The following TPD52 variants were observed in gnomAD, a reference collection of about 807,000 sequenced individuals.
TPD52 encodes the protein tumor protein D52.
TPD52 carries 17 observed loss-of-function variants against 31.3 expected under a neutral mutation model. The observed-to-expected ratio is 0.54, with a 90% confidence interval of 0.37 to 0.82. TPD52 has a LOEUF of 0.82. Ranked by LOEUF, TPD52 falls within the 40% of genes least tolerant of loss-of-function variation. TPD52 has a pLI of 0.00. For missense variants in TPD52, 212 were observed against 240.1 expected (o/e 0.88, Z 0.77); for synonymous variants, 83 against 89.6 (o/e 0.93, Z 0.42).
At chr8:80,142,867 G>A (rs563556998) in intron 1 of TPD52, among the ~76,000 whole-genome samples, 59 of 152,282 alleles carry the variant, frequency 3.9e-4, no homozygotes, top group African/African-American at 1.3e-3. Flanking sequence ...AATCCAGCAA[G>A]AGCTAGGACC....
chr8:80,094,565 T>C (rs1319468717), intron 1 of TPD52, among the ~76,000 whole-genome samples: 2 of 147,314 alleles, frequency 1.4e-5, no homozygotes, highest in Admixed American at 1.4e-4. Flanking sequence ...GATGGAAACA[T>C]ATTGCCAAAT....
intron 1 of TPD52, among the ~76,000 whole-genome samples, chr8:80,091,429 A>C (rs1033010130): frequency 1.3e-5 from 2 of 150,918 alleles, no homozygotes; most frequent in Non-Finnish European, 2.9e-5. Flanking sequence ...AGATCGCGCC[A>C]CTGCGCTCCA....
intron 1 of TPD52, among the ~76,000 whole-genome samples, chr8:80,074,317 A>C (rs1188673330): frequency 6.6e-6 from 1 of 152,254 alleles, no homozygotes; most frequent in African/African-American, 2.4e-5. Flanking sequence ...TAACATCCAG[A>C]AAGATCACAG....
At chr8:80,154,504 T>A (rs1261217275) in intron 1 of TPD52, among the ~76,000 whole-genome samples, 2 of 152,178 alleles carry the variant, frequency 1.3e-5, no homozygotes, top group African/African-American at 4.8e-5. Flanking sequence ...TAACAAAAAA[T>A]CAAATGTCCT....
chr8:80,058,372 G>GCTTGCGGAA (rs1812124327), intron 2 of TPD52, among the ~76,000 whole-genome samples: 1 of 152,208 alleles, frequency 6.6e-6, no homozygotes, highest in Admixed American at 6.5e-5. Flanking sequence ...TTAAAAATGA[G>GCTTGCGGAA]CTTGCGGAAA....
At chr8:80,070,624 G>C (rs1049458823) in intron 1 of TPD52, among the ~76,000 whole-genome samples, 1 of 152,110 alleles carries the variant, frequency 6.6e-6, no homozygotes, top group Non-Finnish European at 1.5e-5. Flanking sequence ...ATGCTCACTC[G>C]CCTGCCACTC....
chr8:80,142,370 G>A (rs1809893665), intron 1 of TPD52, among the ~76,000 whole-genome samples: 1 of 152,212 alleles, frequency 6.6e-6, no homozygotes, highest in Admixed American at 6.5e-5. Flanking sequence ...CTGGTCCACA[G>A]TAATAAAGGC....
chr8:80,154,122 G>C (rs569152087), intron 1 of TPD52, among the ~76,000 whole-genome samples: 1 of 152,336 alleles, frequency 6.6e-6, no homozygotes, highest in Admixed American at 6.5e-5. Context: ...TGAAGTAGGA[G>C]TGTTGGTGGG....
At chr8:80,160,255 GGAAC>G (rs1407900121) in intron 1 of TPD52, among the ~76,000 whole-genome samples, 1 of 151,990 alleles carries the variant, frequency 6.6e-6, no homozygotes, top group Non-Finnish European at 1.5e-5. Flanking sequence ...CAACAGATTT[GGAAC>G]GAAGCTTTTG....
At chr8:80,156,150 A>G (rs1020901407) in intron 1 of TPD52, among the ~76,000 whole-genome samples, 1 of 152,290 alleles carries the variant, frequency 6.6e-6, no homozygotes, top group East Asian at 1.9e-4. Flanking sequence ...GACTGAGGCT[A>G]GGGGCATCTG....
At chr8:80,102,734 G>C (rs1033486303) in intron 1 of TPD52, among the ~76,000 whole-genome samples, 1 of 152,144 alleles carries the variant, frequency 6.6e-6, no homozygotes, top group Non-Finnish European at 1.5e-5. Context: ...GGGGTTCCTA[G>C]ATAGCCTCAA....
intron 1 of TPD52, among the ~76,000 whole-genome samples, chr8:80,152,915 C>T (rs1023357642): frequency 4.0e-5 from 6 of 151,652 alleles, no homozygotes; most frequent in East Asian, 3.9e-4. Context: ...ATCAACTTGA[C>T]GGGGTGTGTG....
rs1313435345 is a variant in TPD52, at chr8:80,035,255, T to G, written c.*2861A>C. On this transcript the variant is annotated 3_prime_UTR_variant, in exon 8 of 8. Coordinates refer to ENST00000518937, the MANE Select transcript of TPD52 (RefSeq NM_001025253.3). ...ATTTGGGAAGCTAAGGCAGTAGGAT[T>G]CCTTGACCCCAGGAGTTGGAGGTCA... 1 of 152,230 alleles carries G rather than the reference T, an allele frequency of 6.6e-6. No individual in the cohort carries two copies. The highest frequency in any genetic ancestry group is 2.4e-5 in the African/African-American group (1 of 41,458). The allele number at this position is 152,230 out of a possible 1,614,324, so 9.4% of individuals were successfully genotyped here. A position where few individuals can be genotyped will look rare whatever the true frequency, so the allele number is the denominator to read the frequency against.
chr8:80,081,715 ATT>A (rs11433117), intron 1 of TPD52, among the ~76,000 whole-genome samples: 1 of 149,442 alleles, frequency 6.7e-6, no homozygotes. Flanking sequence ...TCATCTTGTG[ATT>A]TTTTTTTTTT....
At chr8:80,049,946 T>C (rs926417823) in intron 5 of TPD52, among the ~76,000 whole-genome samples, 5 of 152,088 alleles carry the variant, frequency 3.3e-5, no homozygotes, top group African/African-American at 1.2e-4. Context: ...TTTTACCTTA[T>C]GTATATTTTA....
intron 1 of TPD52, among the ~76,000 whole-genome samples, chr8:80,141,335 G>A (rs562104321): frequency 7.9e-5 from 12 of 152,210 alleles, no homozygotes; most frequent in African/African-American, 2.9e-4. Flanking sequence ...GTGGCACCAG[G>A]GTTGGTCTGT....
rs1166013610 is a variant in TPD52, at chr8:80,035,674, T to C, written c.*2442A>G. On this transcript the variant is annotated 3_prime_UTR_variant, in exon 8 of 8. Transcript: ENST00000518937. ...AGCTCTACTCTCTTCCACTGACTAC[T>C]TGGCTCTCATAAGCATAAGAATTCT... is the stretch of plus-strand genomic sequence containing the variant. 1 of 152,230 alleles carries C rather than the reference T, an allele frequency of 6.6e-6. No individual in the cohort carries two copies. The highest frequency in any genetic ancestry group is 1.9e-4 in the East Asian group (1 of 5,198). The allele number at this position is 152,230 out of a possible 1,614,324, so 9.4% of individuals were successfully genotyped here. A position where few individuals can be genotyped will look rare whatever the true frequency, so the allele number is the denominator to read the frequency against.
At chr8:80,050,413 T>C (rs1811249033) in intron 5 of TPD52, 32 bp downstream of exon 5, 1 of 1,595,416 alleles carries the variant, frequency 6.3e-7, no homozygotes, top group Non-Finnish European at 8.5e-7. Flanking sequence ...ATACAACTGC[T>C]GGACTGCAGT....
intron 5 of TPD52, among the ~76,000 whole-genome samples, chr8:80,049,793 T>C (rs1404860352): frequency 2.0e-5 from 3 of 152,240 alleles, no homozygotes; most frequent in Non-Finnish European, 1.5e-5. Flanking sequence ...ATGTGCTTTT[T>C]TTAGCTTAAT....
Sources: gnomAD v4.1 joint callset for allele counts (sites outside exome capture counted in the v4.1 genomes callset) on GRCh38, gnomAD v4.1.1 for gene constraint, MANE v1.5 for transcripts, NCBI Gene and HGNC (gene_info 2026-07-23, HGNC 2026-07-21) for gene names.